KNG1: variants seen among roughly 807,000 people sequenced by gnomAD.
KNG1 encodes kininogen 1, also known as kininogen-1.
A neutral mutation model predicts 47.8 loss-of-function variants in KNG1; 23 were observed. The observed-to-expected ratio is 0.48, with a 90% CI of 0.35 to 0.68. KNG1 has a LOEUF of 0.68. Ranked by LOEUF, KNG1 falls within the 30% of genes least tolerant of loss-of-function variation. KNG1 has a pLI of 0.01. For synonymous variants in KNG1, 277 were observed against 277.0 expected, an observed-to-expected ratio of 1.00 and a Z score of 0.00; for missense variants, 762 against 790.2, an observed-to-expected ratio of 0.96 and a Z score of 0.43.
In KNG1 at chr3:186,717,480, C is replaced by A; in HGVS notation, c.-63C>A. 1 of 1,195,698 alleles carries A rather than the reference C, an allele frequency of 8.4e-7. No homozygotes were observed. The allele number at this position is 1,195,698 out of a possible 1,614,324, so 74.1% of individuals were successfully genotyped here. A position where few individuals can be genotyped will look rare whatever the true frequency, so the allele number is the denominator to read the frequency against. ...GGCTGGAGATTGTCAAATTCAGTAT[C>A]CCAGTTGGCTCTTGATTCTTGGTGA... On this transcript the variant is annotated 5_prime_UTR_variant, in exon 1 of 10. Coordinates refer to ENST00000644859, the MANE Select transcript of KNG1 (RefSeq NM_001102416.3).
At chr3:186,727,876 A>G (rs1394156067) in intron 5 of KNG1, among the ~76,000 whole-genome samples, 1 of 152,164 alleles carries the variant, frequency 6.6e-6, no homozygotes, top group Non-Finnish European at 1.5e-5. Flanking sequence ...CTGGCCAGCA[A>G]TAAGTATTTA....
chr3:186,718,998 GAAA>G (rs34745532), intron 1 of KNG1, among the ~76,000 whole-genome samples: 1 of 145,144 alleles, frequency 6.9e-6, no homozygotes, highest in Non-Finnish European at 1.5e-5. Flanking sequence ...TACTTTAGCA[GAAA>G]AAAAAAAACT....
chr3:186,728,024 G>C (rs1023627242), intron 5 of KNG1, among the ~76,000 whole-genome samples: 1 of 152,000 alleles, frequency 6.6e-6, no homozygotes, highest in African/African-American at 2.4e-5. Flanking sequence ...CTCTACCCAG[G>C]GTTATTCTTC....
Position 186,717,589 on chromosome 3 carries a change from G to A in KNG1, c.47G>A (p.Ser16Asn). Reference sequence around the variant, plus strand: ...TTCCTCTGCTCCAGGCTGCTACTAAGTTTAACCCAGGAATCACAGTCCGAG... The same window carrying A: ...TTCCTCTGCTCCAGGCTGCTACTAAATTTAACCCAGGAATCACAGTCCGAG... ...ILFLCSRLLLSLTQESQSEEI... is the reference protein window; with the variant it reads ...ILFLCSRLLLNLTQESQSEEI... The change falls in exon 1 of 10, where the codon AGT becomes AAT. Residue 16 changes from serine (S) to asparagine (N), a missense_variant. By Grantham distance (46) the Ser-to-Asn change is conservative. Coordinates refer to ENST00000644859, the MANE Select transcript of KNG1 (RefSeq NM_001102416.3). The A allele has an allele frequency of 4.3e-6, 7 of 1,612,922 alleles. No individual in the cohort carries two copies. The highest frequency in any genetic ancestry group is 5.1e-6 in the Non-Finnish European group (6 of 1,179,492).
intron 1 of KNG1, among the ~76,000 whole-genome samples, chr3:186,719,146 G>A (rs1489882675): frequency 6.6e-6 from 1 of 152,082 alleles, no homozygotes; most frequent in Non-Finnish European, 1.5e-5. Flanking sequence ...GTGATCTCAA[G>A]CAACAGTTTA....
Position 186,720,178 on chromosome 3 carries a change from C to A in KNG1, c.269C>A (p.Thr90Asn), listed in dbSNP as rs1169393893. Reference sequence around the variant, plus strand: ...GATTGTCCTGTTCAAAGTGGCAAAACCTGGCAGGACTGTGAGTACAAGGAT... The same window carrying A: ...GATTGTCCTGTTCAAAGTGGCAAAAACTGGCAGGACTGTGAGTACAAGGAT... ...EGDCPVQSGK[T>N]WQDCEYKDAA... Residue 90 changes from threonine to asparagine, a missense_variant, in exon 2 of 10, where the codon ACC becomes AAC. Physicochemically the swap from Thr to Asn is moderately conservative, Grantham distance 65 (BLOSUM62 0). Transcript: ENST00000644859. 1 of 1,613,498 alleles carries A rather than the reference C, an allele frequency of 6.2e-7. No homozygotes were observed. Among genetic ancestry groups the A allele is most frequent in the Admixed American group, 1.7e-5 (1 of 60,002 alleles).
Position 186,720,125 on chromosome 3 carries a change from T to C in KNG1, c.216T>C (p.Tyr72=). The C allele has an allele frequency of 6.2e-7, 1 of 1,613,792 alleles. No homozygotes were observed. The highest frequency in any genetic ancestry group is 8.5e-7 in the Non-Finnish European group (1 of 1,179,676). The change falls in exon 2 of 10, where the codon TAT becomes TAC. Residue 72 remains tyrosine (Y), a synonymous_variant. Coordinates refer to ENST00000644859, the MANE Select transcript of KNG1 (RefSeq NM_001102416.3). ...ATKTVGSDTF[Y]SFKYEIKEGD... is the part of the protein sequence containing the mutation. The stretch of plus-strand genomic sequence containing the variant: ...TTCAGGTTGGCTCTGACACGTTTTA[T>C]TCCTTCAAGTACGAAATCAAGGAGG...
intron 9 of KNG1, among the ~76,000 whole-genome samples, 189 bp downstream of exon 9, chr3:186,739,603 A>G (rs1263294980): frequency 6.6e-6 from 1 of 152,166 alleles, no homozygotes; most frequent in Non-Finnish European, 1.5e-5. Context: ...CCTCCTGATC[A>G]CTTCTCACAC....
chr3:186,741,441 T>C (rs773856749), intron 9 of KNG1, 81 bp from the exon 10 acceptor site: 16 of 1,297,824 alleles, frequency 1.2e-5, no homozygotes, highest in East Asian at 2.4e-5. Context: ...TAAGATAACA[T>C]TGCCAGATCT....
Position 186,722,446 on chromosome 3 carries a change from G to C in KNG1, c.316G>C (p.Glu106Gln). The C allele has an allele frequency of 1.2e-6, 2 of 1,613,188 alleles. No individual in the cohort carries two copies. The highest frequency in any genetic ancestry group is 1.7e-6 in the Non-Finnish European group (2 of 1,179,160). The change falls in exon 3 of 10, where the codon GAA becomes CAA. Residue 106 changes from glutamate (E) to glutamine (Q), a missense_variant. Coordinates refer to ENST00000644859, the MANE Select transcript of KNG1 (RefSeq NM_001102416.3). ...YKDAAKAATG[E>Q]CTATVGKRSS... ...TTTCTTTTCTTTTTAGGCCACTGGA[G>C]AATGCACGGCAACCGTGGGGAAGAG...
At chr3:186,722,598 GGCTCT>G in intron 3 of KNG1, 77 bp downstream of exon 3, 1 of 1,161,906 alleles carries the variant, frequency 8.6e-7, no homozygotes, top group East Asian at 2.5e-5. Flanking sequence ...ATCTTGACCA[GGCTCT>G]GCTTGCTCCC....
In KNG1 at chr3:186,741,856, G is replaced by A. The variant is rs1720821927; in HGVS notation, c.1460G>A (p.Gly487Glu). The change falls in exon 10 of 10, where the codon GGG (glycine) becomes GAG (glutamate). Residue 487 changes from glycine to glutamate, a missense_variant. Physicochemically the swap from Gly to Glu is moderately conservative, Grantham distance 98 (BLOSUM62 -2). Transcript: ENST00000644859. ...FKLDDDLEHQ[G>E]GHVLDHGHKH... ...CTTGATGATGATCTTGAACACCAAG[G>A]GGGCCATGTCCTTGACCATGGACAT... 7.4e-6 allele frequency: 12 copies of A among 1,613,648 alleles called. No homozygotes were observed. The highest frequency in any genetic ancestry group is 1.3e-5 in the African/African-American group (1 of 74,934).
rs1245497128 is a variant in KNG1 at position 186,742,066 on chromosome 3, C to T, written c.1670C>T (p.Thr557Ile). 1 of 1,614,002 alleles carries T rather than the reference C, an allele frequency of 6.2e-7. No individual in the cohort carries two copies. The highest frequency in any genetic ancestry group is 1.7e-5 in the Admixed American group (1 of 60,008). The change falls in exon 10 of 10, where the codon ACA becomes ATA. Residue 557 changes from threonine (T) to isoleucine (I), a missense_variant. Transcript: ENST00000644859. ...CCTTCCCTAGCCAAGCCAGGTGTAA[C>T]AGTTACCTTTTCTGACTTTCAGGAC... ...PIPSLAKPGV[T>I]VTFSDFQDSD...
intron 7 of KNG1, among the ~76,000 whole-genome samples, chr3:186,737,396 A>AT (rs1361885181): frequency 6.6e-6 from 1 of 151,628 alleles, no homozygotes; most frequent in Non-Finnish European, 1.5e-5. Context: ...GCTTATTGTG[A>AT]TTTTTCAGAA....
chr3:186,736,234 T>C (rs1252392181), intron 7 of KNG1: 2 of 152,192 alleles, frequency 1.3e-5, no homozygotes, highest in Non-Finnish European at 2.9e-5. Context: ...AATTTTTGCA[T>C]TTAAAGAGAG....
chr3:186,727,475 T>C, intron 5 of KNG1, 131 bp downstream of exon 5: 1 of 690,316 alleles, frequency 1.4e-6, no homozygotes, highest in Middle Eastern at 2.4e-4. Flanking sequence ...CACATTTACT[T>C]GGGAAGACTA....
At chr3:186,731,227 C>CATTG (rs1382870228) in intron 5 of KNG1, among the ~76,000 whole-genome samples, 1 of 152,032 alleles carries the variant, frequency 6.6e-6, no homozygotes, top group African/African-American at 2.4e-5. Flanking sequence ...AACTGTAATA[C>CATTG]ATTGATTTGG....
intron 7 of KNG1, 45 bp from the exon 8 acceptor site, chr3:186,739,054 T>G: frequency 7.1e-7 from 1 of 1,404,904 alleles, no homozygotes; most frequent in African/African-American, 1.4e-5. Flanking sequence ...TGATTTATTA[T>G]GCAAATATTT....
intron 5 of KNG1, among the ~76,000 whole-genome samples, chr3:186,730,232 T>G (rs1159985611): frequency 6.6e-6 from 1 of 152,202 alleles, no homozygotes; most frequent in Admixed American, 6.5e-5. Context: ...TGTTTTTGTT[T>G]GTTTAAACAT....
Sources: allele counts gnomAD v4.1 joint callset (sites outside exome capture counted in the v4.1 genomes callset), GRCh38; gene constraint gnomAD v4.1.1; transcripts MANE v1.5; gene names NCBI Gene and HGNC (gene_info 2026-07-23, HGNC 2026-07-21).